The following FOXM1 variants were observed in gnomAD, a reference collection of about 807,000 sequenced individuals.
FOXM1 encodes forkhead box protein M1.
A neutral mutation model predicts 63.6 loss-of-function variants in FOXM1; 25 were observed. That is an observed-to-expected ratio of 0.39 (90% CI 0.29 to 0.55). The LOEUF (loss-of-function observed/expected upper bound fraction) is 0.55, where lower values mean the gene tolerates loss of function less well. Ranked by LOEUF, FOXM1 falls within the 20% of genes least tolerant of loss-of-function variation. FOXM1 has a pLI of 0.60. For missense variants in FOXM1, 879 were observed against 958.7 expected (o/e 0.92, Z 1.10); for synonymous variants, 387 against 376.9 (o/e 1.03, Z -0.31).
At chr12:2,875,622 T>A (rs1238744290) in intron 1 of FOXM1, among the ~76,000 whole-genome samples, 1 of 152,226 alleles carries the variant, frequency 6.6e-6, no homozygotes, top group African/African-American at 2.4e-5. Context: ...CATGCCACTT[T>A]ATTAATTTCT....
chr12:2,875,931 T>C, intron 1 of FOXM1, among the ~76,000 whole-genome samples: 1 of 107,538 alleles, frequency 9.3e-6, no homozygotes, highest in African/African-American at 3.2e-5. Flanking sequence ...CAGCTAATTT[T>C]TTTTTTTTTT....
chr12:2,871,116 T>C (rs955529489), intron 3 of FOXM1, among the ~76,000 whole-genome samples: 24 of 151,900 alleles, frequency 1.6e-4, no homozygotes, highest in Admixed American at 1.6e-3. Context: ...ACTACCTGGG[T>C]GACAAAATCA....
rs145513809 is a variant in FOXM1, at chr12:2,874,561, T to G, written c.-47-36A>C. The G allele has an allele frequency of 9.8e-5, 140 of 1,425,866 alleles. No individual in the cohort carries two copies. In the African/African-American group the frequency reaches 1.5e-3, roughly 16 times the overall value. 88.3% of individuals were successfully genotyped at this position (1,425,866 alleles called of 1,614,324 possible). On this transcript the variant is annotated intron_variant, in intron 1 of 8. Coordinates refer to ENST00000359843, the MANE Select transcript of FOXM1 (RefSeq NM_021953.4). The surrounding 1 kb of genome is among the most constrained non-coding windows in gnomAD (Gnocchi z 4.3). ...CAAATAGTGGCAAGATGTTAGAGAT[T>G]GTTTAGGCTGAGAAGAGGTCCTTTT...
chr12:2,870,957 C>CAAAAAAAAAAAA (rs11310343), intron 3 of FOXM1, among the ~76,000 whole-genome samples: 3 of 39,112 alleles, frequency 7.7e-5, no homozygotes, highest in African/African-American at 2.7e-4. Flanking sequence ...GACTACGTCT[C>CAAAAAAAAAAAA]AAAAAAAAAA....
At position 2,858,904 on chromosome 12, in the gene FOXM1, G is replaced by C; in HGVS notation, c.2026C>G (p.Leu676Val). 1 of 1,613,974 alleles carries C rather than the reference G, an allele frequency of 6.2e-7. No individual in the cohort carries two copies. Among genetic ancestry groups the C allele is most frequent in the Non-Finnish European group, 8.5e-7 (1 of 1,180,010 alleles). The change falls in exon 9 of 9, where the codon CTC (leucine) becomes GTC (valine). Residue 676 changes from leucine (L) to valine (V), a missense_variant. Leu to Val is a conservative substitution (Grantham distance 32). Transcript: ENST00000359843. ...AGGTCTAAGGGTTCTGAACTGAGGA[G>C]CCTTTGCGGTGATTCAAGGGGGGGA... The part of the protein sequence containing the change: ...SAPPLESPQR[L>V]LSSEPLDLIS...
intron 5 of FOXM1, among the ~76,000 whole-genome samples, chr12:2,865,666 T>C (rs2098121889): frequency 6.9e-6 from 1 of 145,642 alleles, no homozygotes; most frequent in African/African-American, 2.6e-5. Flanking sequence ...TTTTTTTTTT[T>C]TTTGAGACAG....
At chr12:2,865,021 A>G in intron 6 of FOXM1, 1 of 584,536 alleles carries the variant, frequency 1.7e-6, no homozygotes, top group East Asian at 2.8e-5. Flanking sequence ...ATGCCAGAGC[A>G]GGTAGCTATA....
At chr12:2,863,536 G>C (rs2098117777) in intron 8 of FOXM1, among the ~76,000 whole-genome samples, 1 of 151,556 alleles carries the variant, frequency 6.6e-6, no homozygotes, top group Non-Finnish European at 1.5e-5. Flanking sequence ...CCACAGGCAT[G>C]TACTACCACC....
rs753556599 is a variant in FOXM1, at chr12:2,859,649, C to T, written c.1281G>A (p.Glu427=). Residue 427 remains glutamate (E), a synonymous_variant, in exon 9 of 9, where the codon GAG becomes GAA. Coordinates refer to ENST00000359843, the MANE Select transcript of FOXM1 (RefSeq NM_021953.4). ...VRIAPKVLLA[E]EGIAPLSSAG... ...CAGAAGAAAGAGGAGCTATCCCCTC[C>T]TCAGCTAGCAGCACCTGAAAGGGAA... 144 of 1,606,638 alleles carry T rather than the reference C, an allele frequency of 9.0e-5. 1 individual carries two copies. Among genetic ancestry groups the T allele is most frequent in the Non-Finnish European group, 3.1e-5 (36 of 1,177,414 alleles).
At chr12:2,865,322 G>A in intron 6 of FOXM1, 33 bp downstream of exon 6, 1 of 1,591,322 alleles carries the variant, frequency 6.3e-7, no homozygotes, top group Non-Finnish European at 8.6e-7. Flanking sequence ...GGAAAACAAG[G>A]CCAAGCCCCG....
chr12:2,857,709 T>C lies in FOXM1; in HGVS notation c.*929A>G, dbSNP rs2098092418. The C allele has an allele frequency of 6.5e-6, 1 of 152,818 alleles. No individual in the cohort carries two copies. The highest frequency in any genetic ancestry group is 1.5e-5 in the Non-Finnish European group (1 of 68,520). 9.5% of individuals were successfully genotyped at this position (152,818 alleles called of 1,614,324 possible). A position where few individuals can be genotyped will look rare whatever the true frequency, so the allele number is the denominator to read the frequency against. On this transcript the variant is annotated 3_prime_UTR_variant, in exon 9 of 9. Coordinates refer to ENST00000359843, the MANE Select transcript of FOXM1 (RefSeq NM_021953.4). ...GTCCACCTTCGCTTTTATTGAGTAGTTAGTGTTCTCAAGCTGGCTCACACC... is the reference window on the plus strand; with the variant it reads ...GTCCACCTTCGCTTTTATTGAGTAGCTAGTGTTCTCAAGCTGGCTCACACC...
intron 4 of FOXM1, among the ~76,000 whole-genome samples, chr12:2,867,218 G>A (rs767462190): frequency 1.3e-4 from 20 of 151,600 alleles, no homozygotes; most frequent in Non-Finnish European, 1.9e-4. Context: ...TAATCACAGT[G>A]CACTGAGAGG....
intron 8 of FOXM1, among the ~76,000 whole-genome samples, chr12:2,862,725 A>G (rs1473523894): frequency 4.1e-5 from 6 of 146,194 alleles, no homozygotes; most frequent in African/African-American, 1.5e-4. Flanking sequence ...TTTTTTTGTT[A>G]CAGACAGGGT....
rs906379966 is a variant in FOXM1 at position 2,872,894 on chromosome 12, GA to G, written c.503-648del. Among the ~76,000 whole-genome samples, 1 of 148,420 alleles carries G rather than the reference GA, an allele frequency of 6.7e-6. No homozygotes were observed. ...TAGTGGGACCCCATCTCTGCAAAAA[GA>G]AAAAAAAAATTAACTGGGAATGATG... On this transcript the variant is annotated intron_variant, in intron 2 of 8. Coordinates refer to ENST00000359843, the MANE Select transcript of FOXM1 (RefSeq NM_021953.4). This position sits in a 1 kb window ranked among gnomAD's most constrained non-coding sequence, Gnocchi z 4.0.
At position 2,864,365 on chromosome 12, in the gene FOXM1, G is replaced by A. The variant is rs1357428146; in HGVS notation, c.1221C>T (p.Ser407=). 6.2e-7 allele frequency: 1 copy of A among 1,613,934 alleles called. No individual in the cohort carries two copies. Among genetic ancestry groups the A allele is most frequent in the Admixed American group, 1.7e-5 (1 of 60,006 alleles). Residue 407 remains serine, a synonymous_variant, in exon 8 of 9, where the codon AGC becomes AGT. Transcript: ENST00000359843. The surrounding 1 kb of genome is among the most constrained non-coding windows in gnomAD (Gnocchi z 5.1). The part of the protein sequence containing the change: ...VPLPLAASLM[S]SELARHSKRV... ...GCTTGCTATGGCGGGCAAGCTCTGA[G>A]CTCATGAGGGAAGCCGCCAGGGGCA...
intron 8 of FOXM1, among the ~76,000 whole-genome samples, chr12:2,860,864 C>CA (rs57306758): frequency 4.5e-3 from 500 of 110,192 alleles, no homozygotes; most frequent in Middle Eastern, 0.013. Context: ...GACTCCATCT[C>CA]AAAAAAAAAA....
At chr12:2,869,972 T>G (rs1331299000) in intron 3 of FOXM1, among the ~76,000 whole-genome samples, 1 of 151,912 alleles carries the variant, frequency 6.6e-6, no homozygotes, top group Non-Finnish European at 1.5e-5. Flanking sequence ...TACTTACATA[T>G]ACACGCATGT....
chr12:2,874,654 A>C lies in FOXM1; in HGVS notation c.-47-129T>G, dbSNP rs562438338. 302 of 650,328 alleles carry C rather than the reference A, an allele frequency of 4.6e-4. No individual in the cohort carries two copies. Among genetic ancestry groups the C allele is most frequent in the Admixed American group, 9.4e-4 (31 of 33,126 alleles). The allele number at this position is 650,328 out of a possible 1,614,324, so 40.3% of individuals were successfully genotyped here. Reference sequence around the variant, plus strand: ...AAAGGCCCAGGTAAACATTCCATGGACTTTTGTAAAGACCTCAGATAATAA... The same window carrying C: ...AAAGGCCCAGGTAAACATTCCATGGCCTTTTGTAAAGACCTCAGATAATAA... On this transcript the variant is annotated intron_variant, in intron 1 of 8. Transcript: ENST00000359843. This position sits in a 1 kb window ranked among gnomAD's most constrained non-coding sequence, Gnocchi z 4.3.
Position 2,874,617 on chromosome 12 carries a change from G to T in FOXM1, c.-47-92C>A. The T allele has an allele frequency of 1.2e-6, 1 of 858,078 alleles. No individual in the cohort carries two copies. Among genetic ancestry groups the T allele is most frequent in the Non-Finnish European group, 1.8e-6 (1 of 551,908 alleles). The allele number at this position is 858,078 out of a possible 1,614,324, so 53.2% of individuals were successfully genotyped here. A position where few individuals can be genotyped will look rare whatever the true frequency, so the allele number is the denominator to read the frequency against. On this transcript the variant is annotated intron_variant, in intron 1 of 8. Coordinates refer to ENST00000359843, the MANE Select transcript of FOXM1 (RefSeq NM_021953.4). The surrounding 1 kb of genome is among the most constrained non-coding windows in gnomAD (Gnocchi z 4.3). ...AAGGTGCTCCTCTTTATATGACCAG[G>T]AACATGAGCCTAAAGGCCCAGGTAA...
Sources: gnomAD v4.1 joint callset for allele counts (sites outside exome capture counted in the v4.1 genomes callset) on GRCh38, gnomAD v4.1.1 for gene constraint, Gnocchi (gnomAD v3.1) non-coding constraint, MANE v1.5 for transcripts, NCBI Gene and HGNC (gene_info 2026-07-23, HGNC 2026-07-21) for gene names.